DPF3: variants seen among roughly 807,000 people sequenced by gnomAD.
The protein encoded by DPF3 is double PHD fingers 3, also known as zinc finger protein DPF3.
DPF3 carries 18 observed loss-of-function variants against 56.8 expected under a neutral mutation model. The observed-to-expected ratio is 0.32, with a 90% CI of 0.22 to 0.47. The LOEUF is 0.47. Among genes scored for constraint, DPF3 ranks in the 20% least tolerant of loss-of-function variants. The pLI, the probability that DPF3 is intolerant of heterozygous loss-of-function variation, is 1.00. For synonymous variants in DPF3, 188 were observed against 180.2 expected, an observed-to-expected ratio of 1.04 and a Z score of -0.35; for missense variants, 403 against 488.8, an observed-to-expected ratio of 0.82 and a Z score of 1.65.
chr14:72,812,750 C>T (rs755072963), intron 1 of DPF3, among the ~76,000 whole-genome samples: 1 of 152,136 alleles, frequency 6.6e-6, no homozygotes, highest in African/African-American at 2.4e-5. Flanking sequence ...GTGTGCAATG[C>T]GTCCGGGAGG....
intron 6 of DPF3, among the ~76,000 whole-genome samples, chr14:72,706,193 TC>T (rs900220421): frequency 6.6e-6 from 1 of 152,090 alleles, no homozygotes; most frequent in Non-Finnish European, 1.5e-5. Flanking sequence ...TATTACCTCT[TC>T]CCCCTACCCC....
chr14:72,694,057 G>A (rs935655726), intron 6 of DPF3, among the ~76,000 whole-genome samples: 6 of 152,186 alleles, frequency 3.9e-5, no homozygotes, highest in Non-Finnish European at 7.3e-5. Context: ...GCGAGCAATC[G>A]AAATGTGCCT....
intron 4 of DPF3, among the ~76,000 whole-genome samples, chr14:72,725,977 A>G (rs1313208440): frequency 1.3e-5 from 2 of 152,204 alleles, no homozygotes; most frequent in Non-Finnish European, 2.9e-5. Context: ...AGCCTTAACC[A>G]TCTAACAGAG....
intron 1 of DPF3, among the ~76,000 whole-genome samples, chr14:72,878,260 A>T (rs1886192232): frequency 6.6e-6 from 1 of 152,186 alleles, no homozygotes; most frequent in Non-Finnish European, 1.5e-5. Context: ...CAAAAGTTAT[A>T]ATGATACGCT....
At chr14:72,827,840 A>T (rs1883880107) in intron 1 of DPF3, among the ~76,000 whole-genome samples, 1 of 151,962 alleles carries the variant, frequency 6.6e-6, no homozygotes, top group Non-Finnish European at 1.5e-5. Flanking sequence ...TACTCCGAGC[A>T]TCTCAGGAGG....
At chr14:72,871,755 C>T (rs1417161941) in intron 1 of DPF3, among the ~76,000 whole-genome samples, 1 of 152,224 alleles carries the variant, frequency 6.6e-6, no homozygotes, top group Admixed American at 6.5e-5. Context: ...CGTACTTTCA[C>T]AGTCTGGCAT....
intron 6 of DPF3, among the ~76,000 whole-genome samples, chr14:72,707,096 G>A (rs548193912): frequency 1.3e-5 from 2 of 151,862 alleles, no homozygotes; most frequent in East Asian, 1.9e-4. Flanking sequence ...TTGTTCTTGC[G>A]ATAGTTTACT....
At chr14:72,684,773 C>T (rs1887334246) in intron 7 of DPF3, among the ~76,000 whole-genome samples, 1 of 152,034 alleles carries the variant, frequency 6.6e-6, no homozygotes. Context: ...GAAGTGTGTC[C>T]CTCATCCCCA....
chr14:72,631,895 A>C (rs924212315), intron 8 of DPF3, among the ~76,000 whole-genome samples: 3 of 152,222 alleles, frequency 2.0e-5, no homozygotes, highest in African/African-American at 7.2e-5. Context: ...TTCCCTGAGA[A>C]AGATCTTTAA....
intron 1 of DPF3, chr14:72,892,464 G>A: frequency 1.4e-6 from 2 of 1,429,270 alleles, no homozygotes; most frequent in East Asian, 2.6e-5. Context: ...CTTAACGGCA[G>A]CTTTCATATA....
chr14:72,885,586 T>C (rs2140130831), intron 1 of DPF3, among the ~76,000 whole-genome samples: 1 of 151,986 alleles, frequency 6.6e-6, no homozygotes, highest in East Asian at 1.9e-4. Context: ...TTATTTTTTG[T>C]AGCGACAGGG....
chr14:72,877,052 G>A (rs1351345672), intron 1 of DPF3, among the ~76,000 whole-genome samples: 1 of 152,188 alleles, frequency 6.6e-6, no homozygotes, highest in Non-Finnish European at 1.5e-5. Context: ...AATTCATGGA[G>A]GAAAGGAGAA....
At chr14:72,874,115 A>G (rs61988476) in intron 1 of DPF3, among the ~76,000 whole-genome samples, 18,787 of 150,422 alleles carry the variant, frequency 0.12, 1,273 homozygotes, top group African/African-American at 0.15. Flanking sequence ...AATTCAACCT[A>G]AAACAAGCAG....
chr14:72,785,195 G>A (rs1485455925), intron 1 of DPF3, among the ~76,000 whole-genome samples: 1 of 152,174 alleles, frequency 6.6e-6, no homozygotes. Context: ...AAGGATAACA[G>A]GATGCTGGTT....
At chr14:72,778,496 A>G (rs1891840888) in intron 1 of DPF3, among the ~76,000 whole-genome samples, 1 of 152,252 alleles carries the variant, frequency 6.6e-6, no homozygotes, top group Admixed American at 6.5e-5. Context: ...ATTCTACATT[A>G]TAGTGAGTTG....
chr14:72,749,748 C>A (rs1446194901), intron 3 of DPF3, among the ~76,000 whole-genome samples: 1 of 151,966 alleles, frequency 6.6e-6, no homozygotes. Context: ...AAGAGTTTCT[C>A]TACACAAGCT....
chr14:72,720,454 C>T (rs1889120992), intron 5 of DPF3, among the ~76,000 whole-genome samples: 1 of 152,158 alleles, frequency 6.6e-6, no homozygotes, highest in South Asian at 2.1e-4. Flanking sequence ...TCCATGGCTC[C>T]GTGCATGGGT....
intron 1 of DPF3, among the ~76,000 whole-genome samples, chr14:72,838,905 A>ATATATATATATATATATATTTTTTTTT: frequency 1.6e-5 from 1 of 64,480 alleles, no homozygotes; most frequent in African/African-American, 6.7e-5. Context: ...TATCATATAT[A>ATATATATATATATATATATTTTTTTTT]TTCTTTTTTT....
chr14:72,662,577 G>GAAAA (rs923464374), intron 8 of DPF3: 50 of 976,706 alleles, frequency 5.1e-5, no homozygotes, highest in Non-Finnish European at 5.5e-5. Flanking sequence ...GATTTAAAAA[G>GAAAA]AAAAAAAAAA....
Sources: allele counts gnomAD v4.1 joint callset (sites outside exome capture counted in the v4.1 genomes callset), GRCh38; gene constraint gnomAD v4.1.1; transcripts MANE v1.5; gene names NCBI Gene and HGNC (gene_info 2026-07-23, HGNC 2026-07-21).